The following CPEB2 variants were observed in gnomAD, a reference collection of about 807,000 sequenced individuals.
CPEB2 encodes cytoplasmic polyadenylation element binding protein 2.
Under a neutral mutation model 93.6 loss-of-function variants are expected in CPEB2, and 56 were observed. The observed-to-expected ratio is 0.60, with a 90% CI of 0.48 to 0.75. The LOEUF (loss-of-function observed/expected upper bound fraction) is 0.75. CPEB2 is among the 30% of genes least tolerant of loss of function. CPEB2 has a pLI of 0.00. For synonymous variants in CPEB2, 764 were observed against 586.3 expected (o/e 1.30, Z -4.38); for missense variants, 1,579 against 1,395.1 (o/e 1.13, Z -2.10).
At chr4:15,016,832 T>C (rs1724204965) in intron 3 of CPEB2, among the ~76,000 whole-genome samples, 1 of 151,988 alleles carries the variant, frequency 6.6e-6, no homozygotes, top group Non-Finnish European at 1.5e-5. Context: ...CCTAAATATG[T>C]GAGAAAAGTT....
At position 15,003,602 on chromosome 4, in the gene CPEB2, C is replaced by A; in HGVS notation, c.929C>A (p.Ala310Glu). 1 of 1,477,264 alleles carries A rather than the reference C, an allele frequency of 6.8e-7. No individual in the cohort carries two copies. The highest frequency in any genetic ancestry group is 3.0e-5 in the East Asian group (1 of 33,546). The allele number at this position is 1,477,264 out of a possible 1,614,324, so 91.5% of individuals were successfully genotyped here. ...GCCTCCTCGACGCCGGTGAACCCCG[C>A]GCCGGGCTCCATGGAGTCCCCCAAC... is the stretch of plus-strand genomic sequence containing the variant. Reference protein sequence around the residue: ...GLASSTPVNPAPGSMESPNHP... With the variant: ...GLASSTPVNPEPGSMESPNHP... The change falls in exon 1 of 12, where the codon GCG becomes GAG. Residue 310 changes from alanine (A) to glutamate (E), a missense_variant. This residue lies in a region of CPEB2 where 1,411 missense variants were observed against 1,056.0 expected (regional missense o/e 1.34). Coordinates refer to ENST00000538197, the MANE Select transcript of CPEB2 (RefSeq NM_001177382.2).
chr4:15,065,606 T>C (rs1354646944), intron 11 of CPEB2, among the ~76,000 whole-genome samples: 1 of 152,132 alleles, frequency 6.6e-6, no homozygotes, highest in Non-Finnish European at 1.5e-5. Context: ...CAGTCTGAAG[T>C]GTTCTGCCAA....
chr4:15,022,681 C>G (rs1724946641), intron 4 of CPEB2, among the ~76,000 whole-genome samples: 1 of 151,856 alleles, frequency 6.6e-6, no homozygotes, highest in African/African-American at 2.4e-5. Context: ...TATATAGCAG[C>G]CATATGTATT....
intron 9 of CPEB2, 94 bp from the exon 10 acceptor site, chr4:15,059,093 A>G (rs1728964925): frequency 1.6e-6 from 1 of 643,438 alleles, no homozygotes; most frequent in Middle Eastern, 3.1e-4. Flanking sequence ...ATTTTTAAGC[A>G]ATAAAAGAAT....
intron 6 of CPEB2, among the ~76,000 whole-genome samples, chr4:15,051,277 A>T (rs1342416743): frequency 6.6e-6 from 1 of 152,148 alleles, no homozygotes; most frequent in Non-Finnish European, 1.5e-5. Flanking sequence ...TATTATCTTC[A>T]CCACCTACTA....
At chr4:15,047,062 G>A (rs1188519920) in intron 6 of CPEB2, among the ~76,000 whole-genome samples, 1 of 152,004 alleles carries the variant, frequency 6.6e-6, no homozygotes, top group African/African-American at 2.4e-5. Flanking sequence ...AACTGTATTG[G>A]TACCTTTGAA....
At chr4:15,040,361 T>C (rs1270907528) in intron 5 of CPEB2, 103 bp from the exon 6 acceptor site, 2 of 1,042,814 alleles carry the variant, frequency 1.9e-6, no homozygotes, top group African/African-American at 1.6e-5. Flanking sequence ...AAAGTAGCAC[T>C]AATTTTCAGA....
intron 6 of CPEB2, among the ~76,000 whole-genome samples, chr4:15,042,783 TTTC>T (rs1490164490): frequency 6.6e-6 from 1 of 152,132 alleles, no homozygotes; most frequent in African/African-American, 2.4e-5. Context: ...GTCACCTGGT[TTTC>T]TTCCTATTTT....
At chr4:15,026,216 G>GT (rs1345584815) in intron 4 of CPEB2, among the ~76,000 whole-genome samples, 178 of 150,486 alleles carry the variant, frequency 1.2e-3, no homozygotes, top group Non-Finnish European at 2.2e-3. Context: ...AGATTCAATT[G>GT]TTTGTTTTTG....
chr4:15,023,805 A>G (rs1013003238), intron 4 of CPEB2, among the ~76,000 whole-genome samples: 3 of 151,240 alleles, frequency 2.0e-5, no homozygotes, highest in Non-Finnish European at 3.0e-5. Context: ...TTGTGCTCCT[A>G]TATTTCCTAC....
intron 8 of CPEB2, among the ~76,000 whole-genome samples, chr4:15,058,092 G>T (rs1728873746): frequency 6.6e-6 from 1 of 152,174 alleles, no homozygotes; most frequent in African/African-American, 2.4e-5. Context: ...TTTACTATGA[G>T]ACTGACTTTG....
Position 15,066,390 on chromosome 4 carries a change from A to G in CPEB2, c.*10A>G. The G allele has an allele frequency of 6.4e-7, 1 of 1,573,696 alleles. No homozygotes were observed. The highest frequency in any genetic ancestry group is 8.7e-7 in the Non-Finnish European group (1 of 1,154,814). ...CTTCCGCTGGAACTAAGAATAGCAA[A>G]CTGGCCTCTGTTTAACAAGGAAAGA... On this transcript the variant is annotated 3_prime_UTR_variant, in exon 12 of 12. Transcript: ENST00000538197.
In CPEB2 at chr4:15,069,924, G is replaced by T. The variant is rs888283282; in HGVS notation, c.*3544G>T. ...TTTTATTTTTTTCTAAATAAAAAGAGAACCCATGCTTTTATGGACACTAGG... is the reference window on the plus strand; with the variant it reads ...TTTTATTTTTTTCTAAATAAAAAGATAACCCATGCTTTTATGGACACTAGG... On this transcript the variant is annotated 3_prime_UTR_variant, in exon 12 of 12. Coordinates refer to ENST00000538197, the MANE Select transcript of CPEB2 (RefSeq NM_001177382.2). 2 of 151,956 alleles carry T rather than the reference G, an allele frequency of 1.3e-5. No individual in the cohort carries two copies. Among genetic ancestry groups the T allele is most frequent in the African/African-American group, 4.8e-5 (2 of 41,344 alleles). The allele number at this position is 151,956 out of a possible 1,614,324, so 9.4% of individuals were successfully genotyped here.
chr4:15,013,354 CAT>C (rs1365141392), intron 3 of CPEB2, among the ~76,000 whole-genome samples: 1 of 151,964 alleles, frequency 6.6e-6, no homozygotes, highest in East Asian at 1.9e-4. Flanking sequence ...CACTTTTCCT[CAT>C]AGAGTCTTAT....
chr4:15,021,546 A>G (rs1199048887), intron 4 of CPEB2, among the ~76,000 whole-genome samples: 5 of 152,108 alleles, frequency 3.3e-5, no homozygotes, highest in Non-Finnish European at 7.4e-5. Flanking sequence ...AATTGCTTGT[A>G]TCATTTCCCA....
At chr4:15,010,791 G>A (rs10939603) in intron 3 of CPEB2, among the ~76,000 whole-genome samples, 4,131 of 152,130 alleles carry the variant, frequency 0.027, 90 homozygotes, top group South Asian at 0.14. Flanking sequence ...CAAACTGATT[G>A]GGGCCTAGAA....
At chr4:15,035,304 C>T (rs1401288173) in intron 5 of CPEB2, among the ~76,000 whole-genome samples, 1 of 151,898 alleles carries the variant, frequency 6.6e-6, no homozygotes, top group African/African-American at 2.4e-5. Flanking sequence ...CCCAGGTTGG[C>T]TTTTTCTATC....
intron 4 of CPEB2, chr4:15,017,905 A>T (rs1364811045): frequency 6.6e-6 from 1 of 151,896 alleles, no homozygotes; most frequent in African/African-American, 2.4e-5. Flanking sequence ...GAAAAAAAGC[A>T]ATTATTATAT....
intron 3 of CPEB2, among the ~76,000 whole-genome samples, chr4:15,015,695 G>T (rs996463293): frequency 1.3e-5 from 2 of 151,806 alleles, no homozygotes; most frequent in African/African-American, 4.8e-5. Context: ...TTTTCTTCGG[G>T]AAAAAAAGAA....
Sources: gnomAD v4.1 joint callset for allele counts (sites outside exome capture counted in the v4.1 genomes callset) on GRCh38, gnomAD v4.1.1 for gene constraint, gnomAD v4.1.1 regional missense constraint, MANE v1.5 for transcripts, NCBI Gene and HGNC (gene_info 2026-07-23, HGNC 2026-07-21) for gene names.